AKAP13: variants seen among roughly 807,000 people sequenced by gnomAD.
AKAP13 encodes A-kinase anchor protein 13.
Under a neutral mutation model 264.5 loss-of-function variants are expected in AKAP13, and 80 were observed. The observed-to-expected ratio is 0.30, with a 90% CI of 0.25 to 0.36. AKAP13 has a LOEUF of 0.36. AKAP13 is among the 10% of genes least tolerant of loss of function. AKAP13 has a pLI of 1.00. For missense variants in AKAP13, 3,712 were observed against 3,435.2 expected, an observed-to-expected ratio of 1.08 and a Z score of -2.01; for synonymous variants, 1,380 against 1,250.2, an observed-to-expected ratio of 1.10 and a Z score of -2.19.
chr15:85,532,236 G>A (rs1376311174), intron 3 of AKAP13, among the ~76,000 whole-genome samples: 1 of 152,174 alleles, frequency 6.6e-6, no homozygotes, highest in Non-Finnish European at 1.5e-5. Flanking sequence ...GGCTTAAGGA[G>A]GCCCTTGGGA....
chr15:85,686,183 G>A (rs1298106440), intron 16 of AKAP13, among the ~76,000 whole-genome samples: 1 of 43,676 alleles, frequency 2.3e-5, no homozygotes, highest in African/African-American at 1.5e-4. Context: ...GTGTGTGCAC[G>A]TGCATGCATG....
chr15:85,685,823 A>G lies in AKAP13; in HGVS notation c.5289+950A>G, dbSNP rs1306065634. 4.6e-5 allele frequency among the ~76,000 whole-genome samples: 7 copies of G among 152,178 alleles called. No homozygotes were observed. In the East Asian group the frequency reaches 1.3e-3, roughly 29 times the overall value. ...TTATCTAATTATTTTTCACATGCTC[A>G]TTATGGAAATCTTCAAAATCTAAAA... On this transcript the variant is annotated intron_variant, in intron 16 of 36. Transcript: ENST00000394518.
At chr15:85,515,585 G>A (rs2076572573) in intron 2 of AKAP13, among the ~76,000 whole-genome samples, 1 of 139,026 alleles carries the variant, frequency 7.2e-6, no homozygotes, top group Admixed American at 7.2e-5. Flanking sequence ...CATGTGTTGT[G>A]TTTAGTTGGC....
intron 10 of AKAP13, among the ~76,000 whole-genome samples, chr15:85,649,006 C>G (rs2082683794): frequency 6.6e-6 from 1 of 152,116 alleles, no homozygotes; most frequent in South Asian, 2.1e-4. Flanking sequence ...CCAAAGTAGC[C>G]TGTGACCAGG....
At chr15:85,685,210 T>G (rs1236286653) in intron 16 of AKAP13, 2 of 172,724 alleles carry the variant, frequency 1.2e-5, no homozygotes, top group East Asian at 3.0e-4. Flanking sequence ...AAACCAGATC[T>G]CTTTGGTTTC....
rs148172186 is a variant in AKAP13 at position 85,528,397 on chromosome 15, C to G, written c.182-5187C>G. Among the ~76,000 whole-genome samples, 370 of 152,266 alleles carry G rather than the reference C, an allele frequency of 2.4e-3. 1 individual carries two copies. The highest frequency in any genetic ancestry group is 3.9e-3 in the Non-Finnish European group (266 of 68,022). ...TTTGTTGGGCCATGCTGGAGAAGCT[C>G]TTTGTAGAGTATTAGGGATCTGTTT... On this transcript the variant is annotated intron_variant, in intron 3 of 36. Transcript: ENST00000394518.
intron 5 of AKAP13, among the ~76,000 whole-genome samples, chr15:85,550,159 C>T (rs1355921075): frequency 6.6e-6 from 1 of 152,160 alleles, no homozygotes; most frequent in Non-Finnish European, 1.5e-5. Flanking sequence ...TCGTGATCCG[C>T]CTGCCTTGGC....
intron 1 of AKAP13, among the ~76,000 whole-genome samples, chr15:85,383,973 A>C (rs1156972498): frequency 2.0e-5 from 3 of 152,214 alleles, no homozygotes; most frequent in African/African-American, 7.2e-5. Flanking sequence ...CCATTTACAG[A>C]AGAAGGCAGT....
intron 1 of AKAP13, among the ~76,000 whole-genome samples, chr15:85,463,445 A>C (rs1177362217): frequency 6.6e-6 from 1 of 151,846 alleles, no homozygotes; most frequent in East Asian, 1.9e-4. Context: ...CAGTTGCTGT[A>C]GTGTTTCTTT....
chr15:85,643,194 A>G (rs1039256548), intron 9 of AKAP13, among the ~76,000 whole-genome samples: 6 of 110,710 alleles, frequency 5.4e-5, no homozygotes, highest in African/African-American at 1.4e-4. Flanking sequence ...CTCACTTCCT[A>G]TGGCATTTTT....
intron 11 of AKAP13, among the ~76,000 whole-genome samples, chr15:85,657,038 C>A (rs954072122): frequency 2.0e-5 from 3 of 151,988 alleles, no homozygotes; most frequent in African/African-American, 7.3e-5. Flanking sequence ...CCCAGCTACT[C>A]GAGAGGATGA....
At chr15:85,530,875 C>G (rs569101095) in intron 3 of AKAP13, among the ~76,000 whole-genome samples, 3 of 152,160 alleles carry the variant, frequency 2.0e-5, no homozygotes, top group South Asian at 4.2e-4. Flanking sequence ...GAGGCCCCTT[C>G]TAGATTTTAT....
chr15:85,686,190 C>CATGCGT (rs1555459325), intron 16 of AKAP13, among the ~76,000 whole-genome samples: 1 of 63,630 alleles, frequency 1.6e-5, no homozygotes, highest in Non-Finnish European at 2.6e-5. Context: ...CACGTGCATG[C>CATGCGT]ATGTGTGTGT....
rs1792600654 is a variant in AKAP13, at chr15:85,727,905, G to A, written c.7087+442G>A. ...ATCCGCATGTTTACAAATGAGTTGT[G>A]AGGTGAAGTTTTGGGAGCAGGGTAT... On this transcript the variant is annotated intron_variant, in intron 29 of 36. Transcript: ENST00000394518. The surrounding 1 kb of genome is among the most constrained non-coding windows in gnomAD (Gnocchi z 5.3). Among the ~76,000 whole-genome samples the A allele has an allele frequency of 6.6e-6, 1 of 152,208 alleles. No homozygotes were observed. Among genetic ancestry groups the A allele is most frequent in the Non-Finnish European group, 1.5e-5 (1 of 68,034 alleles).
In AKAP13 at chr15:85,747,077, A is replaced by C. The variant is rs1305782737; in HGVS notation, c.*2400A>C. Reference sequence around the variant, plus strand: ...GAGATTTCACATCTGCCCAGACCCCACTCAAAACGATTTGGTCAGGTTCTG... The same window carrying C: ...GAGATTTCACATCTGCCCAGACCCCCCTCAAAACGATTTGGTCAGGTTCTG... On this transcript the variant is annotated 3_prime_UTR_variant, in exon 37 of 37. Coordinates refer to ENST00000394518, the MANE Select transcript of AKAP13 (RefSeq NM_007200.5). 6.6e-6 allele frequency: 1 copy of C among 152,096 alleles called. No homozygotes were observed. The highest frequency in any genetic ancestry group is 2.4e-5 in the African/African-American group (1 of 41,398). 9.4% of individuals were successfully genotyped at this position (152,096 alleles called of 1,614,324 possible). A position where few individuals can be genotyped will look rare whatever the true frequency, so the allele number is the denominator to read the frequency against.
Position 85,565,457 on chromosome 15 carries a change from A to G in AKAP13, c.663-9674A>G, listed in dbSNP as rs1445023364. 4.6e-5 allele frequency among the ~76,000 whole-genome samples: 7 copies of G among 152,172 alleles called. 1 individual carries two copies. Reference sequence around the variant, plus strand: ...GTCCTGCAAGGCCTGATTTGGTTACAATATAATCTTTGTTCACATTTTTCA... The same window carrying G: ...GTCCTGCAAGGCCTGATTTGGTTACGATATAATCTTTGTTCACATTTTTCA... On this transcript the variant is annotated intron_variant, in intron 5 of 36. Transcript: ENST00000394518.
intron 14 of AKAP13, chr15:85,676,867 C>A: frequency 1.2e-6 from 1 of 851,844 alleles, no homozygotes; most frequent in Non-Finnish European, 1.4e-6. Flanking sequence ...ACCTAGACAG[C>A]ATTTCCCGGA....
intron 2 of AKAP13, among the ~76,000 whole-genome samples, chr15:85,520,498 CAAAAAAAA>C (rs71468111): frequency 2.5e-4 from 18 of 71,294 alleles, no homozygotes; most frequent in African/African-American, 5.9e-4. Context: ...AACTCCGTCT[CAAAAAAAA>C]AAAAAAAAAA....
At chr15:85,642,534 C>G (rs1239820014) in intron 9 of AKAP13, among the ~76,000 whole-genome samples, 4 of 152,212 alleles carry the variant, frequency 2.6e-5, no homozygotes, top group Admixed American at 1.3e-4. Flanking sequence ...TTTAGGGATT[C>G]CCCCCACCTC....
Sources: gnomAD v4.1 joint callset for allele counts (sites outside exome capture counted in the v4.1 genomes callset) on GRCh38, gnomAD v4.1.1 for gene constraint, Gnocchi (gnomAD v3.1) non-coding constraint, MANE v1.5 for transcripts, NCBI Gene and HGNC (gene_info 2026-07-23, HGNC 2026-07-21) for gene names.